The following CNDP1 variants were observed in gnomAD, a reference collection of about 807,000 sequenced individuals.
CNDP1 encodes the protein beta-Ala-His dipeptidase.
A neutral mutation model predicts 58.1 loss-of-function variants in CNDP1; 44 were observed. The ratio of observed to expected loss-of-function variants is 0.76; its 90% CI spans 0.60 to 0.97. CNDP1 has a LOEUF of 0.97. CNDP1 is among the 50% of genes least tolerant of loss of function. The pLI is 0.00. For missense variants in CNDP1, 616 were observed against 655.1 expected (o/e 0.94, Z 0.65); for synonymous variants, 254 against 252.6 (o/e 1.01, Z -0.05).
intron 6 of CNDP1, 145 bp downstream of exon 6, chr18:74,567,578 G>A: frequency 1.4e-6 from 1 of 717,282 alleles, no homozygotes; most frequent in Non-Finnish European, 2.4e-6. Context: ...CAGGGGAGGT[G>A]GGGTGGGTGC....
intron 5 of CNDP1, among the ~76,000 whole-genome samples, chr18:74,564,048 A>G (rs191746293): frequency 1.3e-5 from 2 of 152,346 alleles, no homozygotes; most frequent in African/African-American, 4.8e-5. Context: ...ACTATCCCCC[A>G]AAAGCTCTTA....
intron 7 of CNDP1, chr18:74,576,192 G>A (rs1426205063): frequency 1.3e-5 from 2 of 151,096 alleles, no homozygotes; most frequent in African/African-American, 4.9e-5. Context: ...TTGAGACAGA[G>A]TCTGACTTTA....
At chr18:74,575,831 A>ATGTATGTATG (rs1555711148) in intron 7 of CNDP1, among the ~76,000 whole-genome samples, 1 of 94,264 alleles carries the variant, frequency 1.1e-5, no homozygotes, top group Admixed American at 1.1e-4. Flanking sequence ...GTGTGTATAC[A>ATGTATGTATG]TGTGTGTGTG....
intron 1 of CNDP1, among the ~76,000 whole-genome samples, chr18:74,552,430 T>C (rs917454695): frequency 6.6e-6 from 1 of 152,180 alleles, no homozygotes; most frequent in African/African-American, 2.4e-5. Flanking sequence ...TCCCTTCCTA[T>C]TTTCCCACTG....
chr18:74,553,150 A>G (rs1980952076), intron 1 of CNDP1, among the ~76,000 whole-genome samples: 1 of 152,142 alleles, frequency 6.6e-6, no homozygotes, highest in African/African-American at 2.4e-5. Flanking sequence ...ATTGAACTGT[A>G]ATTGTCATTT....
At chr18:74,544,647 A>C (rs1599086128) in intron 1 of CNDP1, among the ~76,000 whole-genome samples, 2 of 127,374 alleles carry the variant, frequency 1.6e-5, no homozygotes, top group South Asian at 5.5e-4. Flanking sequence ...TGAACCCGGG[A>C]GGTGGAGGTT....
At chr18:74,548,039 C>G (rs559184155) in intron 1 of CNDP1, among the ~76,000 whole-genome samples, 1 of 152,322 alleles carries the variant, frequency 6.6e-6, no homozygotes, top group Non-Finnish European at 1.5e-5. Flanking sequence ...AAAAGACTCT[C>G]TCAGTCCAGG....
intron 1 of CNDP1, 115 bp downstream of exon 1, chr18:74,534,806 A>C (rs1980446002): frequency 9.2e-7 from 1 of 1,091,568 alleles, no homozygotes; most frequent in South Asian, 1.3e-5. Context: ...GTGGCCCCAG[A>C]TGCTGCTCCT....
intron 5 of CNDP1, among the ~76,000 whole-genome samples, chr18:74,566,621 A>T (rs1056626118): frequency 6.6e-6 from 1 of 152,242 alleles, no homozygotes; most frequent in East Asian, 1.9e-4. Context: ...AAAGTTCCAC[A>T]TCTCTACCTG....
chr18:74,580,015 T>A (rs889733936), intron 9 of CNDP1, 115 bp from the exon 10 acceptor site: 1 of 913,760 alleles, frequency 1.1e-6, no homozygotes. Context: ...CTTCAGTTTC[T>A]TGATGGAAGA....
rs778159256 is a variant in CNDP1, at chr18:74,556,437, A to G, written c.124A>G (p.Ile42Val). 1.2e-6 allele frequency: 2 copies of G among 1,614,210 alleles called. No individual in the cohort carries two copies. Among genetic ancestry groups the G allele is most frequent in the East Asian group, 2.2e-5 (1 of 44,890 alleles). The change falls in exon 2 of 12, where the codon ATT becomes GTT. Residue 42 changes from isoleucine to valine, a missense_variant. Coordinates refer to ENST00000358821, the MANE Select transcript of CNDP1 (RefSeq NM_032649.6). ...GCTGTTAGAGAAAGTCTTCCAGTAC[A>G]TTGACCTCCATCAGGATGAATTTGT... ...PALLEKVFQY[I>V]DLHQDEFVQT...
chr18:74,548,087 C>T (rs1980809438), intron 1 of CNDP1, among the ~76,000 whole-genome samples: 2 of 152,318 alleles, frequency 1.3e-5, no homozygotes, highest in South Asian at 2.1e-4. Context: ...CCCCCGCAAG[C>T]GCAACTTCCT....
Position 74,556,399 on chromosome 18 carries a change from C to A in CNDP1, c.86C>A (p.Ser29Tyr). Residue 29 changes from serine (S) to tyrosine (Y), a missense_variant, in exon 2 of 12, where the codon TCC becomes TAC. Physicochemically the swap from Ser to Tyr is moderately radical, Grantham distance 144. Coordinates refer to ENST00000358821, the MANE Select transcript of CNDP1 (RefSeq NM_032649.6). ...GAGCGCGGCATGTTCTCCTCACCCT[C>A]CCCGCCCCCGGCGCTGTTAGAGAAA... is the stretch of plus-strand genomic sequence containing the variant. ...LLERGMFSSP[S>Y]PPPALLEKVF... 1 of 1,614,090 alleles carries A rather than the reference C, an allele frequency of 6.2e-7. No individual in the cohort carries two copies. The highest frequency in any genetic ancestry group is 8.5e-7 in the Non-Finnish European group (1 of 1,179,914).
intron 1 of CNDP1, among the ~76,000 whole-genome samples, chr18:74,549,406 A>G (rs1273097932): frequency 6.6e-6 from 1 of 152,214 alleles, no homozygotes; most frequent in Non-Finnish European, 1.5e-5. Context: ...CTCCCCGAAC[A>G]GTTTTTATAT....
In CNDP1 at chr18:74,584,655, T is replaced by C. The variant is rs1981867786; in HGVS notation, c.*93T>C. The C allele has an allele frequency of 9.9e-7, 1 of 1,007,078 alleles. No individual in the cohort carries two copies. Among genetic ancestry groups the C allele is most frequent in the Non-Finnish European group, 1.6e-6 (1 of 630,748 alleles). 62.4% of individuals were successfully genotyped at this position (1,007,078 alleles called of 1,614,324 possible). A position where few individuals can be genotyped will look rare whatever the true frequency, so the allele number is the denominator to read the frequency against. ...ATGGAATGTAAATATCCAGAGAATTTGGGTCTAGTATAGTACATTTTCCCT... is the reference window on the plus strand; with the variant it reads ...ATGGAATGTAAATATCCAGAGAATTCGGGTCTAGTATAGTACATTTTCCCT... On this transcript the variant is annotated 3_prime_UTR_variant, in exon 12 of 12. Coordinates refer to ENST00000358821, the MANE Select transcript of CNDP1 (RefSeq NM_032649.6).
chr18:74,551,290 A>G (rs1980899931), intron 1 of CNDP1, among the ~76,000 whole-genome samples: 1 of 151,740 alleles, frequency 6.6e-6, no homozygotes, highest in South Asian at 2.1e-4. Context: ...TTACCCCACC[A>G]CAGGCATTTC....
intron 11 of CNDP1, 180 bp from the exon 12 acceptor site, chr18:74,584,316 T>C (rs1331321127): frequency 5.2e-6 from 3 of 582,450 alleles, no homozygotes. Context: ...TTAATAATAA[T>C]AATGCAATTT....
intron 1 of CNDP1, among the ~76,000 whole-genome samples, chr18:74,542,601 T>A (rs1242083408): frequency 6.6e-6 from 1 of 152,234 alleles, no homozygotes; most frequent in African/African-American, 2.4e-5. Context: ...TTTGTTTTTT[T>A]GTTTTTGAGA....
chr18:74,563,446 C>T (rs1432612067), intron 5 of CNDP1, among the ~76,000 whole-genome samples: 1 of 152,014 alleles, frequency 6.6e-6, no homozygotes, highest in African/African-American at 2.4e-5. Context: ...ATAAAAAGGC[C>T]AAAATCTGTT....
Sources: allele counts gnomAD v4.1 joint callset (sites outside exome capture counted in the v4.1 genomes callset), GRCh38; gene constraint gnomAD v4.1.1; transcripts MANE v1.5; gene names NCBI Gene and HGNC (gene_info 2026-07-23, HGNC 2026-07-21).